RHBDD3: variants seen among roughly 807,000 people sequenced by gnomAD.
The protein encoded by RHBDD3 is rhomboid domain-containing protein 3.
Under a neutral mutation model 32.3 loss-of-function variants are expected in RHBDD3, and 34 were observed. That is an observed-to-expected ratio of 1.05 (90% CI 0.80 to 1.40). RHBDD3 has a LOEUF of 1.40. RHBDD3 is among the 40% of genes most tolerant of loss of function. The pLI is 0.00. For missense variants in RHBDD3, 482 were observed against 492.6 expected, an observed-to-expected ratio of 0.98 and a Z score of 0.20; for synonymous variants, 249 against 239.1, an observed-to-expected ratio of 1.04 and a Z score of -0.38.
chr22:29,265,778 G>GGCCTGCGTCTCC, intron 2 of RHBDD3, 110 bp from the exon 3 acceptor site: 1 of 1,138,246 alleles, frequency 8.8e-7, no homozygotes, highest in Non-Finnish European at 1.2e-6. Context: ...AAACAGGCTG[G>GGCCTGCGTCTCC]AGACGCAGGC....
Position 29,260,702 on chromosome 22 carries a change from C to A in RHBDD3, c.695G>T (p.Arg232Met). The change falls in exon 5 of 7, where the codon AGG (arginine) becomes ATG (methionine). Residue 232 changes from arginine (R) to methionine (M), a missense_variant and splice_region_variant. Transcript: ENST00000216085. Reference protein sequence around the residue: ...ELPVTHPAGVRPPIPGPPYVA... With the variant: ...ELPVTHPAGVMPPIPGPPYVA... ...CTGGCATCCCCCCCATCACCCTCAC[C>A]TCACTCCGGCAGGATGGGTGACAGG... 3 of 1,575,420 alleles carry A rather than the reference C, an allele frequency of 1.9e-6. No individual in the cohort carries two copies. The highest frequency in any genetic ancestry group is 2.6e-6 in the Non-Finnish European group (3 of 1,161,382).
rs2058262332 is a variant in RHBDD3 at position 29,267,920 on chromosome 22, T to C, written c.-367A>G. ...CCATTCCCCGCGGCCCGCGGATTAG[T>C]CAGCAGTTGTTCTAGTCCGGGTCCC... On this transcript the variant is annotated 5_prime_UTR_variant, in exon 1 of 7. Coordinates refer to ENST00000216085, the MANE Select transcript of RHBDD3 (RefSeq NM_012265.3). 2 of 248,526 alleles carry C rather than the reference T, an allele frequency of 8.0e-6. No individual in the cohort carries two copies. Among genetic ancestry groups the C allele is most frequent in the Non-Finnish European group, 1.6e-5 (2 of 126,590 alleles). The allele number at this position is 248,526 out of a possible 1,614,324, so 15.4% of individuals were successfully genotyped here.
At chr22:29,262,930 C>CAGTG (rs1310256569) in intron 4 of RHBDD3, among the ~76,000 whole-genome samples, 4 of 152,000 alleles carry the variant, frequency 2.6e-5, no homozygotes, top group Non-Finnish European at 5.9e-5. Context: ...CGCTGGAGTG[C>CAGTG]AGTGGCATGT....
At chr22:29,265,353 C>G (rs1444046678) in intron 3 of RHBDD3, 126 bp downstream of exon 3, 1 of 743,400 alleles carries the variant, frequency 1.3e-6, no homozygotes, top group East Asian at 3.4e-5. Flanking sequence ...TAAGGCCATG[C>G]TTTCCCGGGA....
chr22:29,260,631 G>C lies in RHBDD3; in HGVS notation c.696-18C>G, dbSNP rs765957602. 1 of 1,574,086 alleles carries C rather than the reference G, an allele frequency of 6.4e-7. No homozygotes were observed. Among genetic ancestry groups the C allele is most frequent in the Non-Finnish European group, 8.6e-7 (1 of 1,158,904 alleles). On this transcript the variant is annotated intron_variant, in intron 5 of 6. Transcript: ENST00000216085. ...TGGGAGGCCTGGAGGAGTGGGAAGAGAAGAGGGCCTGACTGGCAGCCCTGC... is the reference window on the plus strand; with the variant it reads ...TGGGAGGCCTGGAGGAGTGGGAAGACAAGAGGGCCTGACTGGCAGCCCTGC...
rs1358116543 is a variant in RHBDD3 at position 29,265,599 on chromosome 22, G to A, written c.28C>T (p.Leu10=). The change falls in exon 3 of 7, where the codon CTG becomes TTG. Residue 10 remains leucine (L), a synonymous_variant. Coordinates refer to ENST00000216085, the MANE Select transcript of RHBDD3 (RefSeq NM_012265.3). MHARGPHGQ[L]SPALPLASSV... is the part of the protein sequence containing the mutation. ...GAGGCCAGAGGCAGTGCTGGGGACAGTTGGCCATGGGGGCCCCTGGCATGC... is the reference window on the plus strand; with the variant it reads ...GAGGCCAGAGGCAGTGCTGGGGACAATTGGCCATGGGGGCCCCTGGCATGC... 1 of 1,591,432 alleles carries A rather than the reference G, an allele frequency of 6.3e-7. No homozygotes were observed.
At chr22:29,264,855 G>T (rs1296440532) in intron 3 of RHBDD3, among the ~76,000 whole-genome samples, 2 of 152,020 alleles carry the variant, frequency 1.3e-5, no homozygotes, top group African/African-American at 4.8e-5. Flanking sequence ...TTGGCTCACT[G>T]CAAGCTCCGC....
At position 29,260,092 on chromosome 22, in the gene RHBDD3, GC is replaced by G; in HGVS notation, c.1128del (p.Pro377LeufsTer32). ...GGCCCAGGACCCTCGGAGTGGGCAG[GC>G]CCACCCTTTCCATGGGTCACCAGGG... ...TETLVTHGKGGPAHSEGPGPP is the reference protein window; with the variant it reads ...TETLVTHGKGXPAHSEGPGPP On this transcript the variant is annotated frameshift_variant, in exon 7 of 7. Coordinates refer to ENST00000216085, the MANE Select transcript of RHBDD3 (RefSeq NM_012265.3). LOFTEE classifies it high-confidence loss of function. 6.3e-7 allele frequency: 1 copy of G among 1,575,794 alleles called. No individual in the cohort carries two copies. The highest frequency in any genetic ancestry group is 8.6e-7 in the Non-Finnish European group (1 of 1,161,104).
chr22:29,265,521 C>A lies in RHBDD3; in HGVS notation c.106G>T (p.Gly36Cys), dbSNP rs781387349. 3 of 1,572,728 alleles carry A rather than the reference C, an allele frequency of 1.9e-6. No homozygotes were observed. Among genetic ancestry groups the A allele is most frequent in the African/African-American group, 2.8e-5 (2 of 72,062 alleles). The change falls in exon 3 of 7, where the codon GGC becomes TGC. Residue 36 changes from glycine to cysteine, a missense_variant. By Grantham distance (159) the Gly-to-Cys change is radical. Transcript: ENST00000216085. ...STLWLVGAGP[G>C]LVLAPELLLD... ...AACAGCTCCGGGGCCAGGACCAGGC[C>A]GGGGCCGGCCCCCACCAGCCACAGG...
intron 3 of RHBDD3, among the ~76,000 whole-genome samples, chr22:29,264,829 G>C (rs1202163715): frequency 6.6e-6 from 1 of 152,110 alleles, no homozygotes; most frequent in Non-Finnish European, 1.5e-5. Context: ...CCAGGCTGGA[G>C]TGCAGTGGCG....
At chr22:29,262,020 AAATT>A (rs759813070) in intron 4 of RHBDD3, 1 of 152,214 alleles carries the variant, frequency 6.6e-6, no homozygotes, top group Non-Finnish European at 1.5e-5. Context: ...TTGTCAAAAT[AAATT>A]GACTATACAG....
chr22:29,263,415 G>A (rs1161506071), intron 4 of RHBDD3, among the ~76,000 whole-genome samples: 1 of 152,100 alleles, frequency 6.6e-6, no homozygotes, highest in East Asian at 1.9e-4. Flanking sequence ...CAGACCTCAA[G>A]TGATCTGCCC....
At position 29,265,491 on chromosome 22, in the gene RHBDD3, C is replaced by T; in HGVS notation, c.136G>A (p.Asp46Asn). Residue 46 changes from aspartate (D) to asparagine (N), a missense_variant, in exon 3 of 7, where the codon GAC (aspartate) becomes AAC (asparagine). Physicochemically the swap from Asp to Asn is conservative, Grantham distance 23. Transcript: ENST00000216085. ...GGCTGGCCCTCACCCTGCCAGGGGT[C>T]CAGCAACAGCTCCGGGGCCAGGACC... is the stretch of plus-strand genomic sequence containing the variant. ...GLVLAPELLL[D>N]PWQVHRLLTH... 1 of 1,533,726 alleles carries T rather than the reference C, an allele frequency of 6.5e-7. No individual in the cohort carries two copies. The highest frequency in any genetic ancestry group is 1.2e-5 in the South Asian group (1 of 80,290).
intron 2 of RHBDD3, among the ~76,000 whole-genome samples, chr22:29,266,077 C>A (rs779319840): frequency 6.6e-6 from 1 of 152,190 alleles, no homozygotes; most frequent in Non-Finnish European, 1.5e-5. Context: ...TTCAGTTGCC[C>A]TTGACCCTGG....
At position 29,260,571 on chromosome 22, in the gene RHBDD3, G is replaced by A; in HGVS notation, c.738C>T (p.Leu246=). Residue 246 remains leucine, a synonymous_variant, in exon 6 of 7, where the codon CTC becomes CTT. Coordinates refer to ENST00000216085, the MANE Select transcript of RHBDD3 (RefSeq NM_012265.3). ...GGGCTGAGTCTTCCCAGTGGGACCA[G>A]AGGTCAGGGGAGGCCACATAAGGCG... The part of the protein sequence containing the change: ...PGPPYVASPD[L]WSHWEDSALP... 1 of 1,599,904 alleles carries A rather than the reference G, an allele frequency of 6.3e-7. No individual in the cohort carries two copies. The highest frequency in any genetic ancestry group is 1.1e-5 in the South Asian group (1 of 89,082).
chr22:29,264,174 C>T lies in RHBDD3; in HGVS notation c.193G>A (p.Gly65Ser). ...THALGHTALP[G>S]LLLSLLLLPT... ...AGGAGCAGCAGGCTCAGGAGCAGGC[C>T]TGGCAGGGCCGTGTGGCCCAGGGCA... Residue 65 changes from glycine (G) to serine (S), a missense_variant, in exon 4 of 7, where the codon GGC becomes AGC. Transcript: ENST00000216085. 1 of 1,576,554 alleles carries T rather than the reference C, an allele frequency of 6.3e-7. No individual in the cohort carries two copies. Among genetic ancestry groups the T allele is most frequent in the East Asian group, 2.3e-5 (1 of 44,196 alleles).
Position 29,260,262 on chromosome 22 carries a change from G to T in RHBDD3, c.984-25C>A, listed in dbSNP as rs186688176. ...CCTGTTGGGGGTGGGGGGAGAAGTGGGGAGTGTCAGGGCCACCCCGGCCCC... is the reference window on the plus strand; with the variant it reads ...CCTGTTGGGGGTGGGGGGAGAAGTGTGGAGTGTCAGGGCCACCCCGGCCCC... On this transcript the variant is annotated intron_variant, in intron 6 of 6. Transcript: ENST00000216085. The T allele has an allele frequency of 5.7e-3, 9,117 of 1,603,324 alleles. 45 individuals are homozygous for T. The highest frequency in any genetic ancestry group is 6.1e-3 in the Non-Finnish European group (7,197 of 1,175,704).
intron 3 of RHBDD3, chr22:29,264,670 G>A: frequency 3.7e-6 from 1 of 267,086 alleles, no homozygotes; most frequent in Non-Finnish European, 5.8e-6. Context: ...CAAATTGGAG[G>A]AGTTATTATT....
At chr22:29,261,268 C>A (rs1485810087) in intron 4 of RHBDD3, 7 of 486,858 alleles carry the variant, frequency 1.4e-5, no homozygotes, top group Non-Finnish European at 2.9e-5. Context: ...CCAGCCTGTT[C>A]TCTCCAGTGG....
Sources: gnomAD v4.1 joint callset for allele counts (sites outside exome capture counted in the v4.1 genomes callset) on GRCh38, gnomAD v4.1.1 for gene constraint, MANE v1.5 for transcripts, NCBI Gene and HGNC (gene_info 2026-07-23, HGNC 2026-07-21) for gene names.